The following TMC1 variants were observed in gnomAD, a reference collection of about 807,000 sequenced individuals.
TMC1 encodes transmembrane channel-like protein 1.
A neutral mutation model predicts 105.8 loss-of-function variants in TMC1; 84 were observed. The ratio of observed to expected loss-of-function variants is 0.79; its 90% CI spans 0.67 to 0.95. The LOEUF (loss-of-function observed/expected upper bound fraction) is 0.95. Ranked by LOEUF, TMC1 falls within the 40% of genes least tolerant of loss-of-function variation. The pLI is 0.00. For missense variants in TMC1, 817 were observed against 914.1 expected (o/e 0.89, Z 1.37); for synonymous variants, 315 against 311.5 (o/e 1.01, Z -0.12).
intron 1 of TMC1, among the ~76,000 whole-genome samples, chr9:72,561,861 A>C (rs1479376483): frequency 2.6e-5 from 4 of 152,076 alleles, no homozygotes; most frequent in African/African-American, 9.7e-5. Flanking sequence ...CCCAAACCGG[A>C]GCGGGGTGCA....
chr9:72,761,440 T>C (rs1004418980), intron 12 of TMC1, among the ~76,000 whole-genome samples: 6 of 152,208 alleles, frequency 3.9e-5, no homozygotes, highest in African/African-American at 1.4e-4. Context: ...GAGAGCATCT[T>C]GTACATTGCT....
At chr9:72,812,928 CCCT>C (rs1289009174) in intron 18 of TMC1, among the ~76,000 whole-genome samples, 1 of 152,210 alleles carries the variant, frequency 6.6e-6, no homozygotes, top group Non-Finnish European at 1.5e-5. Flanking sequence ...CATATGTCTT[CCCT>C]CTGGGTGGAT....
chr9:72,701,134 G>A (rs1436990089), intron 8 of TMC1, among the ~76,000 whole-genome samples: 1 of 151,732 alleles, frequency 6.6e-6, no homozygotes, highest in Non-Finnish European at 1.5e-5. Context: ...TTCTCTTCAG[G>A]GCCCTGGTCT....
In TMC1 at chr9:72,830,675, A is replaced by G; in HGVS notation, c.2253A>G (p.Ala751=). 1 of 1,613,340 alleles carries G rather than the reference A, an allele frequency of 6.2e-7. No homozygotes were observed. The part of the protein sequence containing the change: ...NKMRNKKMAA[A]RAAAAAGRQ The stretch of plus-strand genomic sequence containing the variant: ...TGCGAAACAAGAAAATGGCAGCTGC[A>G]CGAGCAGGTTGGAGATACGTTTATG... Residue 751 remains alanine, a synonymous_variant, in exon 23 of 24, where the codon GCA becomes GCG. Transcript: ENST00000297784.
At position 72,821,058 on chromosome 9, in the gene TMC1, A is replaced by G; in HGVS notation, c.1980A>G (p.Pro660=). 6.2e-7 allele frequency: 1 copy of G among 1,614,062 alleles called. No homozygotes were observed. Among genetic ancestry groups the G allele is most frequent in the East Asian group, 2.2e-5 (1 of 44,868 alleles). ...PVLYMIVSLP[P]SFDCGPFSGK... ...TGTACATGATCGTGTCCCTCCCACC[A>G]TCTTTTGATTGTGGTCCATTCAGGT... is the stretch of plus-strand genomic sequence containing the variant. Residue 660 remains proline, a synonymous_variant, in exon 20 of 24, where the codon CCA becomes CCG. Transcript: ENST00000297784.
intron 5 of TMC1, among the ~76,000 whole-genome samples, chr9:72,673,559 TA>T (rs1826156801): frequency 6.6e-6 from 1 of 152,108 alleles, no homozygotes; most frequent in Non-Finnish European, 1.5e-5. Context: ...TTTATTCATC[TA>T]ATACAGAAGA....
intron 8 of TMC1, among the ~76,000 whole-genome samples, chr9:72,714,157 A>G (rs1367353607): frequency 2.0e-5 from 3 of 152,130 alleles, no homozygotes. Context: ...ATTCTTTTGC[A>G]TTTGCTGAGG....
chr9:72,611,930 C>T (rs970386), intron 2 of TMC1, among the ~76,000 whole-genome samples: 65,140 of 151,836 alleles, frequency 0.43, 14,916 homozygotes, highest in South Asian at 0.55. Context: ...CTGTCCCCCA[C>T]GGCCATTCTC....
chr9:72,701,376 T>C (rs1256546047), intron 8 of TMC1, among the ~76,000 whole-genome samples: 2 of 152,126 alleles, frequency 1.3e-5, no homozygotes, highest in Non-Finnish European at 2.9e-5. Context: ...TTCTGGGGGA[T>C]GGGAAGATTC....
At chr9:72,690,206 C>T (rs919605601) in intron 6 of TMC1, among the ~76,000 whole-genome samples, 1 of 151,954 alleles carries the variant, frequency 6.6e-6, no homozygotes, top group Admixed American at 6.6e-5. Flanking sequence ...AACAATTTAA[C>T]CTCAATTGCA....
chr9:72,605,851 C>T (rs766374461), intron 2 of TMC1, among the ~76,000 whole-genome samples: 4 of 152,140 alleles, frequency 2.6e-5, no homozygotes, highest in African/African-American at 7.2e-5. Flanking sequence ...GTTGGGATTA[C>T]AGGTGTAAGC....
At chr9:72,623,669 A>G (rs1825295787) in intron 3 of TMC1, among the ~76,000 whole-genome samples, 1 of 152,148 alleles carries the variant, frequency 6.6e-6, no homozygotes, top group South Asian at 2.1e-4. Context: ...TGGGCGGCGA[A>G]CCATGTATCA....
intron 23 of TMC1, among the ~76,000 whole-genome samples, chr9:72,833,785 CTT>C (rs1829078299): frequency 1.3e-5 from 2 of 152,116 alleles, no homozygotes; most frequent in Non-Finnish European, 2.9e-5. Context: ...CACAATTGCT[CTT>C]GAGTAGTTTA....
chr9:72,835,923 T>TC, intron 23 of TMC1, 28 bp from the exon 24 acceptor site: 1 of 1,533,106 alleles, frequency 6.5e-7, no homozygotes, highest in Non-Finnish European at 8.7e-7. Flanking sequence ...TTGTTTTTTT[T>TC]TTTTTTTTTT....
intron 6 of TMC1, among the ~76,000 whole-genome samples, chr9:72,692,844 T>C (rs1168601040): frequency 1.3e-5 from 2 of 151,830 alleles, no homozygotes; most frequent in Non-Finnish European, 2.9e-5. Flanking sequence ...ATGGGCCGGG[T>C]GCGATACCTC....
intron 5 of TMC1, among the ~76,000 whole-genome samples, chr9:72,661,588 G>A (rs1466646818): frequency 1.3e-5 from 2 of 152,026 alleles, no homozygotes; most frequent in African/African-American, 4.8e-5. Flanking sequence ...TACTTCTGTG[G>A]TATTAAGTAT....
chr9:72,627,030 GTT>G (rs1261010748), intron 3 of TMC1, among the ~76,000 whole-genome samples: 6 of 127,682 alleles, frequency 4.7e-5, no homozygotes, highest in Admixed American at 7.7e-5. Flanking sequence ...TATGTTGTTG[GTT>G]TTTTTTTTTT....
chr9:72,640,806 T>C (rs1307056666), intron 4 of TMC1, among the ~76,000 whole-genome samples: 1 of 152,022 alleles, frequency 6.6e-6, no homozygotes, highest in East Asian at 1.9e-4. Flanking sequence ...TAATTTTTTG[T>C]ATTTTTAGTA....
intron 8 of TMC1, among the ~76,000 whole-genome samples, chr9:72,739,306 C>A (rs906181537): frequency 2.0e-5 from 3 of 152,180 alleles, no homozygotes; most frequent in Non-Finnish European, 4.4e-5. Flanking sequence ...CTCCTAAATA[C>A]CCCACCTCCA....
Sources: gnomAD v4.1 joint callset for allele counts (sites outside exome capture counted in the v4.1 genomes callset) on GRCh38, gnomAD v4.1.1 for gene constraint, MANE v1.5 for transcripts, NCBI Gene and HGNC (gene_info 2026-07-23, HGNC 2026-07-21) for gene names.